The following EOLA2 variants were observed in gnomAD, a reference collection of about 807,000 sequenced individuals.
The protein encoded by EOLA2 is protein EOLA2.
A neutral mutation model predicts 4.1 loss-of-function variants in EOLA2; 3 were observed. The ratio of observed to expected loss-of-function variants is 0.73; its 90% CI spans 0.33 to 1.89. EOLA2 has a LOEUF of 1.89. Among genes scored for constraint, EOLA2 ranks in the 40% most tolerant of loss-of-function variants. The pLI is 0.08. For missense variants in EOLA2, 109 were observed against 126.4 expected (o/e 0.86, Z 0.66); for synonymous variants, 52 against 51.7 (o/e 1.01, Z -0.03).
intron 1 of EOLA2, among the ~76,000 whole-genome samples, chrX:149,937,967 T>C (rs2091043965): frequency 8.9e-6 from 1 of 112,493 alleles, no homozygotes; most frequent in African/African-American, 3.2e-5. Flanking sequence ...CGGGCCGAGA[T>C]GGGGCCGCTG....
In EOLA2 at chrX:149,934,635, C is replaced by T. The variant is rs782441025; in HGVS notation, c.-162-498G>A. On this transcript the variant is annotated intron_variant, in intron 2 of 4. Coordinates refer to ENST00000370406, the MANE Select transcript of EOLA2 (RefSeq NM_001013845.2). ...ACCCCCCACACATGCCTTCCACGTGCCAGCCTCTGGGATGGCATGATCTTC... is the reference window on the plus strand; with the variant it reads ...ACCCCCCACACATGCCTTCCACGTGTCAGCCTCTGGGATGGCATGATCTTC... 7.6e-5 allele frequency: 57 copies of T among 751,618 alleles called. 1 individual carries two copies. In the South Asian group the frequency reaches 3.6e-3, roughly 48 times the overall value. The allele number at this position is 751,618 out of a possible 1,213,427, so 61.9% of individuals were successfully genotyped here. A position where few individuals can be genotyped will look rare whatever the true frequency, so the allele number is the denominator to read the frequency against.
downstream of EOLA2, chrX:149,930,982 T>C (rs782169970): frequency 3.0e-5 from 28 of 928,974 alleles, no homozygotes; most frequent in African/African-American, 4.3e-5. Context: ...CAGGGATTCT[T>C]AGTAGTCTGG....
downstream of EOLA2, chrX:149,931,110 G>T (rs1246654039): frequency 2.1e-6 from 2 of 935,836 alleles, no homozygotes; most frequent in Non-Finnish European, 2.6e-6. Flanking sequence ...GAGTAGGAAG[G>T]CTCCTCAGAT....
chrX:149,933,313 G>T (rs2090911828), intron 4 of EOLA2, among the ~76,000 whole-genome samples: 1 of 104,430 alleles, frequency 9.6e-6, no homozygotes, highest in African/African-American at 3.5e-5. Flanking sequence ...ACTCACACAT[G>T]TATGTGCAAA....
At position 149,934,153 on chromosome X, in the gene EOLA2, G is replaced by A; in HGVS notation, c.-162-16C>T. On this transcript the variant is annotated splice_polypyrimidine_tract_variant and intron_variant, in intron 2 of 4. Transcript: ENST00000370406. ...GCGGGGACAGCTAGAGGAAGGCACAGGCAGGATAGCATGTGGTCAGTGCTA... is the reference window on the plus strand; with the variant it reads ...GCGGGGACAGCTAGAGGAAGGCACAAGCAGGATAGCATGTGGTCAGTGCTA... 1.2e-5 allele frequency: 12 copies of A among 1,033,157 alleles called. No homozygotes were observed. The highest frequency in any genetic ancestry group is 1.5e-5 in the Non-Finnish European group (12 of 808,888). The allele number at this position is 1,033,157 out of a possible 1,213,427, so 85.1% of individuals were successfully genotyped here. A position where few individuals can be genotyped will look rare whatever the true frequency, so the allele number is the denominator to read the frequency against.
chrX:149,937,477 T>C lies in EOLA2; in HGVS notation c.-207A>G, dbSNP rs1350435792. ...GGAAACACTCTTCCACTTGGTTTCT[T>C]TACCTGCACAACAAGGAAGATAAAG... On this transcript the variant is annotated 5_prime_UTR_variant, in exon 2 of 5. Transcript: ENST00000370406. 7.8e-5 allele frequency: 52 copies of C among 667,338 alleles called. No homozygotes were observed. The African/African-American group carries it at 1.0e-3, about 13-fold the overall frequency. The allele number at this position is 667,338 out of a possible 1,213,427, so 55.0% of individuals were successfully genotyped here. A position where few individuals can be genotyped will look rare whatever the true frequency, so the allele number is the denominator to read the frequency against.
rs1424950222 is a variant in EOLA2 at position 149,938,451 on chromosome X, T to A, written c.-469A>T. The A allele has an allele frequency of 8.9e-6, 1 of 112,849 alleles. No homozygotes were observed. The highest frequency in any genetic ancestry group is 1.9e-5 in the Non-Finnish European group (1 of 53,277). 9.3% of individuals were successfully genotyped at this position (112,849 alleles called of 1,213,427 possible). A position where few individuals can be genotyped will look rare whatever the true frequency, so the allele number is the denominator to read the frequency against. ...TAGCGGTCCATAACTTCGGCTTTCA[T>A]GCAGCTCCCGTCGTCCCTTTCATGA... On this transcript the variant is annotated 5_prime_UTR_variant, in exon 1 of 5. It removes an upstream start codon present in the reference 5' UTR. Transcript: ENST00000370406.
intron 1 of EOLA2, among the ~76,000 whole-genome samples, chrX:149,937,977 G>C (rs1307802034): frequency 8.8e-6 from 1 of 113,010 alleles, no homozygotes; most frequent in Non-Finnish European, 1.9e-5. Context: ...TGGGGCCGCT[G>C]TGTGTGGAGC....
Position 149,933,783 on chromosome X carries a change from A to G in EOLA2, c.92T>C (p.Leu31Pro), listed in dbSNP as rs781922924. 2 of 1,197,303 alleles carry G rather than the reference A, an allele frequency of 1.7e-6. No individual in the cohort carries two copies. The highest frequency in any genetic ancestry group is 2.2e-5 in the Admixed American group (1 of 45,688). Reference sequence around the variant, plus strand: ...GATGGTACAGTTCCGCTGGCTGCTCAGCAGAGGACGCCAGCGCGTCTCCAC... The same window carrying G: ...GATGGTACAGTTCCGCTGGCTGCTCGGCAGAGGACGCCAGCGCGTCTCCAC... ...KTVETRWRPL[L>P]SSQRNCTIAV... is the part of the protein sequence containing the mutation. Residue 31 changes from leucine to proline, a missense_variant, in exon 4 of 5, where the codon CTG becomes CCG. Coordinates refer to ENST00000370406, the MANE Select transcript of EOLA2 (RefSeq NM_001013845.2).
intron 2 of EOLA2, 115 bp from the exon 3 acceptor site, chrX:149,934,252 G>C (rs1397008020): frequency 8.3e-6 from 6 of 726,652 alleles, no homozygotes; most frequent in South Asian, 5.5e-5. Context: ...GCGGAGAGTC[G>C]GGGCTGGTGT....
chrX:149,936,953 G>A (rs2091012415), intron 2 of EOLA2, among the ~76,000 whole-genome samples: 1 of 110,324 alleles, frequency 9.1e-6, no homozygotes, highest in Non-Finnish European at 1.9e-5. Flanking sequence ...TCCCACTTTT[G>A]CCACTAGAAA....
At chrX:149,937,731 G>A (rs1444339678) in intron 1 of EOLA2, among the ~76,000 whole-genome samples, 2 of 112,718 alleles carry the variant, frequency 1.8e-5, no homozygotes, top group African/African-American at 6.5e-5. Context: ...AGCAAGTTGA[G>A]TCACATTCCT....
At chrX:149,934,445 G>GATGC (rs2090943879) in intron 2 of EOLA2, 1 of 732,800 alleles carries the variant, frequency 1.4e-6, no homozygotes. Flanking sequence ...CTGTCCTCAG[G>GATGC]ATGCACCGTG....
intron 4 of EOLA2, among the ~76,000 whole-genome samples, 185 bp downstream of exon 4, chrX:149,933,437 C>T (rs782763721): frequency 5.4e-5 from 6 of 110,918 alleles, no homozygotes; most frequent in East Asian, 2.9e-4. Flanking sequence ...CCAGAGCTTG[C>T]GGAAGCCAGC....
chrX:149,933,593 G>A lies in EOLA2; in HGVS notation c.253+29C>T, dbSNP rs2090920015. On this transcript the variant is annotated intron_variant, in intron 4 of 4. Coordinates refer to ENST00000370406, the MANE Select transcript of EOLA2 (RefSeq NM_001013845.2). ...ATCTTGGGCAGCAGCCCTAGGCGTTGTCTGCGCATTTGGTACATTGTCACT... is the reference window on the plus strand; with the variant it reads ...ATCTTGGGCAGCAGCCCTAGGCGTTATCTGCGCATTTGGTACATTGTCACT... 4.2e-6 allele frequency: 5 copies of A among 1,191,533 alleles called. No homozygotes were observed. In the East Asian group the frequency reaches 1.5e-4, roughly 36 times the overall value.
intron 2 of EOLA2, among the ~76,000 whole-genome samples, chrX:149,936,396 C>T (rs1194118104): frequency 3.1e-5 from 2 of 64,372 alleles, no homozygotes; most frequent in Non-Finnish European, 5.9e-5. Flanking sequence ...AAAACAGAGT[C>T]ATTACAGAGG....
At chrX:149,933,964 C>T (rs1305500645) in intron 3 of EOLA2, 41 bp downstream of exon 3, 1 of 1,157,490 alleles carries the variant, frequency 8.6e-7, no homozygotes, top group Non-Finnish European at 1.2e-6. Flanking sequence ...AGTGGCCTGA[C>T]CTTCCCCCCG....
downstream of EOLA2, chrX:149,931,394 C>G: frequency 4.7e-6 from 1 of 213,142 alleles, no homozygotes; most frequent in Non-Finnish European, 8.3e-6. Context: ...CCCCATTGTC[C>G]TCGTTTATTT....
At chrX:149,933,973 C>A in intron 3 of EOLA2, 32 bp downstream of exon 3, 1 of 1,152,636 alleles carries the variant, frequency 8.7e-7, no homozygotes, top group Non-Finnish European at 1.2e-6. Context: ...ACCTTCCCCC[C>A]GTGTCTCTCA....
Sources: allele counts gnomAD v4.1 joint callset (sites outside exome capture counted in the v4.1 genomes callset), GRCh38; gene constraint gnomAD v4.1.1; transcripts MANE v1.5; gene names NCBI Gene and HGNC (gene_info 2026-07-23, HGNC 2026-07-21).